KAZN: variants seen among roughly 807,000 people sequenced by gnomAD.
KAZN encodes kazrin, periplakin interacting protein.
In KAZN, 40 loss-of-function variants were observed where a neutral mutation model predicts 87.4. That is an observed-to-expected ratio of 0.46 (90% CI 0.36 to 0.60). The LOEUF is 0.60. KAZN is among the 20% of genes least tolerant of loss of function. The pLI is 0.00. For synonymous variants in KAZN, 466 were observed against 458.3 expected (o/e 1.02, Z -0.22); for missense variants, 898 against 1,073.9 (o/e 0.84, Z 2.29).
chr1:14,146,282 C>T (rs2101783700), intron 1 of KAZN, among the ~76,000 whole-genome samples: 1 of 151,748 alleles, frequency 6.6e-6, no homozygotes, highest in East Asian at 1.9e-4. Context: ...TGCCTGTAAT[C>T]CCAGCACTTT....
intron 1 of KAZN, among the ~76,000 whole-genome samples, chr1:13,916,882 G>GGAGAGGA (rs1356389171): frequency 6.6e-6 from 1 of 152,106 alleles, no homozygotes; most frequent in Non-Finnish European, 1.5e-5. Flanking sequence ...GGAGAATGGG[G>GGAGAGGA]GAGAGGAGAG....
At chr1:14,623,784 CT>C in intron 1 of KAZN, among the ~76,000 whole-genome samples, 1 of 151,728 alleles carries the variant, frequency 6.6e-6, no homozygotes, top group African/African-American at 2.4e-5. Context: ...ATCTAATTGA[CT>C]GATAGTTTAT....
At chr1:14,913,759 C>G (rs2101414601) in intron 1 of KAZN, among the ~76,000 whole-genome samples, 1 of 152,338 alleles carries the variant, frequency 6.6e-6, no homozygotes, top group African/African-American at 2.4e-5. Context: ...GTTGGAGAAG[C>G]TAGGAGTCGC....
chr1:14,931,308 G>C (rs1443046584), intron 1 of KAZN, among the ~76,000 whole-genome samples: 2 of 152,050 alleles, frequency 1.3e-5, no homozygotes, highest in African/African-American at 4.8e-5. Context: ...GCCCAGCATG[G>C]TGGCGCATGC....
At chr1:14,744,806 G>A (rs1644215798) in intron 1 of KAZN, among the ~76,000 whole-genome samples, 1 of 152,108 alleles carries the variant, frequency 6.6e-6, no homozygotes, top group Non-Finnish European at 1.5e-5. Flanking sequence ...TAACTAGAAG[G>A]ATTTTCACAG....
At chr1:14,064,715 G>A (rs929882920) in intron 1 of KAZN, among the ~76,000 whole-genome samples, 1 of 152,222 alleles carries the variant, frequency 6.6e-6, no homozygotes, top group Non-Finnish European at 1.5e-5. Flanking sequence ...GCCCTGCCTG[G>A]CAAACATGGA....
At chr1:14,197,157 C>G (rs899937286) in intron 2 of KAZN, among the ~76,000 whole-genome samples, 2 of 151,848 alleles carry the variant, frequency 1.3e-5, no homozygotes, top group African/African-American at 4.8e-5. Flanking sequence ...TACCAAGGGG[C>G]AGATCATGGG....
chr1:14,347,801 T>C (rs1040095265), intron 2 of KAZN, among the ~76,000 whole-genome samples: 4 of 152,132 alleles, frequency 2.6e-5, no homozygotes, highest in Non-Finnish European at 5.9e-5. Flanking sequence ...CTACAGATTA[T>C]TTTTATGTTC....
At chr1:14,789,080 G>A (rs1645595757) in intron 1 of KAZN, among the ~76,000 whole-genome samples, 1 of 152,156 alleles carries the variant, frequency 6.6e-6, no homozygotes, top group Non-Finnish European at 1.5e-5. Flanking sequence ...TTTGATATGC[G>A]GATGAGGGTC....
At chr1:14,244,574 T>G (rs1183309368) in intron 2 of KAZN, among the ~76,000 whole-genome samples, 1 of 151,936 alleles carries the variant, frequency 6.6e-6, no homozygotes, top group Non-Finnish European at 1.5e-5. Context: ...TCCTACGGAC[T>G]ACATAGAGGG....
chr1:14,388,385 C>T (rs1662132103), intron 2 of KAZN, among the ~76,000 whole-genome samples: 1 of 152,150 alleles, frequency 6.6e-6, no homozygotes, highest in Non-Finnish European at 1.5e-5. Flanking sequence ...CACAAAAGAC[C>T]CTGAATAGCC....
intron 2 of KAZN, among the ~76,000 whole-genome samples, chr1:14,186,164 A>G (rs1646302745): frequency 6.6e-6 from 1 of 152,206 alleles, no homozygotes; most frequent in Admixed American, 6.5e-5. Context: ...TTTGTACATC[A>G]TAGAGCTTTT....
chr1:14,130,206 G>T (rs1038029258), intron 1 of KAZN, among the ~76,000 whole-genome samples: 27 of 152,036 alleles, frequency 1.8e-4, no homozygotes, highest in South Asian at 4.2e-4. Flanking sequence ...CATTTATGTA[G>T]CTCTGAGCAT....
intron 1 of KAZN, among the ~76,000 whole-genome samples, chr1:14,117,616 G>A (rs76326472): frequency 0.012 from 1,785 of 152,176 alleles, 27 homozygotes; most frequent in South Asian, 0.059. Flanking sequence ...TCAGGGGGTG[G>A]GGAGGTAAAA....
intron 1 of KAZN, among the ~76,000 whole-genome samples, chr1:14,766,337 C>T (rs1486282420): frequency 6.6e-6 from 1 of 151,936 alleles, no homozygotes; most frequent in African/African-American, 2.4e-5. Context: ...AATGGTAAGA[C>T]CATTTGGCAT....
At chr1:14,049,171 T>G (rs1642202395) in intron 1 of KAZN, among the ~76,000 whole-genome samples, 1 of 152,110 alleles carries the variant, frequency 6.6e-6, no homozygotes, top group Non-Finnish European at 1.5e-5. Flanking sequence ...TGTAGGGACA[T>G]GGATGAAGCT....
chr1:14,719,075 G>A (rs529444773), intron 1 of KAZN, among the ~76,000 whole-genome samples: 10 of 152,180 alleles, frequency 6.6e-5, no homozygotes, highest in Non-Finnish European at 1.3e-4. Context: ...ACCCACAGTC[G>A]CCATAGGACC....
intron 2 of KAZN, among the ~76,000 whole-genome samples, chr1:14,240,235 G>A (rs1187604093): frequency 6.6e-6 from 1 of 152,214 alleles, no homozygotes; most frequent in African/African-American, 2.4e-5. Flanking sequence ...TATATCAGCA[G>A]ATAAAAGGAA....
At chr1:14,954,534 A>G (rs1002875867) in intron 1 of KAZN, among the ~76,000 whole-genome samples, 1 of 152,256 alleles carries the variant, frequency 6.6e-6, no homozygotes, top group Non-Finnish European at 1.5e-5. Flanking sequence ...TGCCAACAGG[A>G]GAGCTTCGTG....
Sources: allele counts gnomAD v4.1 joint callset (sites outside exome capture counted in the v4.1 genomes callset), GRCh38; gene constraint gnomAD v4.1.1; transcripts MANE v1.5; gene names NCBI Gene and HGNC (gene_info 2026-07-23, HGNC 2026-07-21).